The following RAP1GAP2 variants were observed in gnomAD, a reference collection of about 807,000 sequenced individuals.
The protein encoded by RAP1GAP2 is rap1 GTPase-activating protein 2.
RAP1GAP2 carries 27 observed loss-of-function variants against 95.0 expected under a neutral mutation model. That is an observed-to-expected ratio of 0.28 (90% CI 0.21 to 0.39). The LOEUF (loss-of-function observed/expected upper bound fraction) is 0.39, where lower values mean the gene tolerates loss of function less well. Ranked by LOEUF, RAP1GAP2 falls within the 10% of genes least tolerant of loss-of-function variation. The probability of loss-of-function intolerance (pLI) is 1.00; values close to 1 mark genes in which losing one functional copy is unlikely to be tolerated. For missense variants in RAP1GAP2, 771 were observed against 970.0 expected, an observed-to-expected ratio of 0.79 and a Z score of 2.72; for synonymous variants, 373 against 380.9, an observed-to-expected ratio of 0.98 and a Z score of 0.24.
chr17:2,998,071 A>G, intron 13 of RAP1GAP2, 150 bp from the exon 14 acceptor site: 4 of 839,992 alleles, frequency 4.8e-6, no homozygotes, highest in Admixed American at 2.4e-5. Flanking sequence ...CTGTGCTTTC[A>G]TACTTAAACT....
chr17:2,776,143 C>T (rs1292905484), upstream of RAP1GAP2, among the ~76,000 whole-genome samples: 1 of 151,902 alleles, frequency 6.6e-6, no homozygotes, highest in Non-Finnish European at 1.5e-5. Context: ...CGCGCCACTG[C>T]ACTCCAGCCT....
At chr17:2,996,760 A>C (rs1405012924) in intron 13 of RAP1GAP2, among the ~76,000 whole-genome samples, 1 of 152,202 alleles carries the variant, frequency 6.6e-6, no homozygotes, top group African/African-American at 2.4e-5. Context: ...CTGAGTAAAT[A>C]TTAAGTTTCT....
rs8070340 is a variant in RAP1GAP2 at position 2,952,012 on chromosome 17, C to T, written c.166-5747C>T. On this transcript the variant is annotated intron_variant, in intron 3 of 24. Coordinates refer to ENST00000254695, the MANE Select transcript of RAP1GAP2 (RefSeq NM_015085.5). The stretch of plus-strand genomic sequence containing the variant: ...TTGCGCCACTGCACTCCAGCCTGGG[C>T]GATAGAGTGAGACTGTGTCTCAGAA... 8.9e-3 allele frequency among the ~76,000 whole-genome samples: 1,335 copies of T among 150,682 alleles called. 5 individuals carry two copies. Among genetic ancestry groups the T allele is most frequent in the Non-Finnish European group, 0.013 (853 of 67,806 alleles).
At chr17:2,848,901 C>T (rs1432678377) in intron 2 of RAP1GAP2, among the ~76,000 whole-genome samples, 3 of 152,188 alleles carry the variant, frequency 2.0e-5, no homozygotes, top group African/African-American at 4.8e-5. Context: ...CTGCCTCCCT[C>T]TTCCCCCTCC....
chr17:2,937,848 G>T (rs954944634), intron 3 of RAP1GAP2, among the ~76,000 whole-genome samples: 1 of 152,114 alleles, frequency 6.6e-6, no homozygotes, highest in Non-Finnish European at 1.5e-5. Context: ...TTAAGCCCCC[G>T]GGGATGGACC....
At chr17:2,968,079 G>T (rs1311430443) in intron 8 of RAP1GAP2, among the ~76,000 whole-genome samples, 1 of 152,108 alleles carries the variant, frequency 6.6e-6, no homozygotes, top group African/African-American at 2.4e-5. Context: ...ACAGAGTTTT[G>T]AAAAGTATTT....
intron 1 of RAP1GAP2, among the ~76,000 whole-genome samples, chr17:2,788,749 G>A (rs192508893): frequency 6.6e-6 from 1 of 152,184 alleles, no homozygotes; most frequent in Non-Finnish European, 1.5e-5. Context: ...GGCAGGAGAA[G>A]GCGGGTTCTC....
chr17:2,813,468 T>C (rs1465365043), intron 2 of RAP1GAP2, among the ~76,000 whole-genome samples: 1 of 152,178 alleles, frequency 6.6e-6, no homozygotes, highest in African/African-American at 2.4e-5. Context: ...CCGTCAGTGG[T>C]TGGGCAATGA....
At chr17:3,006,538 A>C (rs1344083790) in intron 16 of RAP1GAP2, among the ~76,000 whole-genome samples, 14 of 149,650 alleles carry the variant, frequency 9.4e-5, no homozygotes, top group Non-Finnish European at 1.9e-4. Flanking sequence ...GGTTCACACC[A>C]TACTCCTGCC....
At chr17:2,951,150 TC>T (rs2043908990) in intron 3 of RAP1GAP2, among the ~76,000 whole-genome samples, 1 of 152,230 alleles carries the variant, frequency 6.6e-6, no homozygotes, top group Non-Finnish European at 1.5e-5. Flanking sequence ...AGCTTTGCTC[TC>T]CCATCTGATC....
chr17:2,877,777 G>C (rs2073148890), intron 2 of RAP1GAP2, among the ~76,000 whole-genome samples: 1 of 152,144 alleles, frequency 6.6e-6, no homozygotes. Context: ...GTGAATGAAT[G>C]CTTGAAATTT....
chr17:3,016,265 A>G (rs1405066033), intron 17 of RAP1GAP2, among the ~76,000 whole-genome samples: 1 of 152,234 alleles, frequency 6.6e-6, no homozygotes, highest in Non-Finnish European at 1.5e-5. Flanking sequence ...ACCTTTCCCC[A>G]GCGCACCCAG....
chr17:3,005,200 C>G lies in RAP1GAP2; in HGVS notation c.1201-169C>G. ...GGCCCCACACCGTCCGGCCCCACTT[C>G]TAGGAACAGGGTCAGGGCCTGTGCT... On this transcript the variant is annotated intron_variant, in intron 14 of 24. Coordinates refer to ENST00000254695, the MANE Select transcript of RAP1GAP2 (RefSeq NM_015085.5). The surrounding 1 kb of genome is among the most constrained non-coding windows in gnomAD (Gnocchi z 5.2). 1 of 719,910 alleles carries G rather than the reference C, an allele frequency of 1.4e-6. No homozygotes were observed. Among genetic ancestry groups the G allele is most frequent in the South Asian group, 1.6e-5 (1 of 63,348 alleles). 44.6% of individuals were successfully genotyped at this position (719,910 alleles called of 1,614,324 possible).
chr17:2,927,309 G>A (rs112401807), intron 3 of RAP1GAP2, among the ~76,000 whole-genome samples: 22,520 of 151,750 alleles, frequency 0.15, 2,193 homozygotes, highest in Non-Finnish European at 0.22. Flanking sequence ...ACCCGCCACC[G>A]CGCCCGGCTA....
At chr17:2,909,367 G>A (rs554709800) in intron 3 of RAP1GAP2, among the ~76,000 whole-genome samples, 1 of 152,262 alleles carries the variant, frequency 6.6e-6, no homozygotes, top group East Asian at 1.9e-4. Context: ...AGCCCTGGGA[G>A]GGGTGGGGCG....
chr17:2,797,615 C>G lies in RAP1GAP2; in HGVS notation c.44+1044C>G. ...TTCCGTGTGTGTGGCTTATTTCCCT[C>G]TTCCTCCTCTTCAAAAGCACTTTGC... On this transcript the variant is annotated intron_variant, in intron 1 of 24. Coordinates refer to ENST00000254695, the MANE Select transcript of RAP1GAP2 (RefSeq NM_015085.5). The surrounding 1 kb of genome is among the most constrained non-coding windows in gnomAD (Gnocchi z 5.6). 1 of 856,862 alleles carries G rather than the reference C, an allele frequency of 1.2e-6. No homozygotes were observed. Among genetic ancestry groups the G allele is most frequent in the Non-Finnish European group, 1.4e-6 (1 of 712,824 alleles). 53.1% of individuals were successfully genotyped at this position (856,862 alleles called of 1,614,324 possible). A position where few individuals can be genotyped will look rare whatever the true frequency, so the allele number is the denominator to read the frequency against.
At chr17:2,973,821 C>T (rs1361018857) in intron 8 of RAP1GAP2, among the ~76,000 whole-genome samples, 2 of 152,140 alleles carry the variant, frequency 1.3e-5, no homozygotes, top group Non-Finnish European at 2.9e-5. Flanking sequence ...GAAGAAACCA[C>T]ACACCGTGCT....
chr17:2,847,657 C>T (rs896887340), intron 2 of RAP1GAP2, among the ~76,000 whole-genome samples: 67 of 152,186 alleles, frequency 4.4e-4, no homozygotes, highest in African/African-American at 1.5e-3. Flanking sequence ...GCTTCCCTCC[C>T]GGCTTTTCCA....
intron 11 of RAP1GAP2, among the ~76,000 whole-genome samples, chr17:2,987,203 C>G (rs189317077): frequency 5.3e-5 from 8 of 152,252 alleles, no homozygotes; most frequent in Non-Finnish European, 1.0e-4. Context: ...TTCTAGAGTG[C>G]GGTGTTTCCC....
Sources: gnomAD v4.1 joint callset for allele counts (sites outside exome capture counted in the v4.1 genomes callset) on GRCh38, gnomAD v4.1.1 for gene constraint, Gnocchi (gnomAD v3.1) non-coding constraint, MANE v1.5 for transcripts, NCBI Gene and HGNC (gene_info 2026-07-23, HGNC 2026-07-21) for gene names.